Variants in LRRC2 observed in about 807,000 individuals in gnomAD.
LRRC2 encodes the protein leucine-rich repeat-containing protein 2.
Under a neutral mutation model 40.2 loss-of-function variants are expected in LRRC2, and 27 were observed. The ratio of observed to expected loss-of-function variants is 0.67; its 90% CI spans 0.49 to 0.93. The LOEUF (loss-of-function observed/expected upper bound fraction) is 0.93. Ranked by LOEUF, LRRC2 falls within the 40% of genes least tolerant of loss-of-function variation. LRRC2 has a pLI of 0.00. For missense variants in LRRC2, 402 were observed against 439.6 expected, an observed-to-expected ratio of 0.91 and a Z score of 0.76; for synonymous variants, 147 against 158.9, an observed-to-expected ratio of 0.92 and a Z score of 0.56.
intron 7 of LRRC2, among the ~76,000 whole-genome samples, chr3:46,526,804 C>T (rs185181578): frequency 6.6e-6 from 1 of 152,282 alleles, no homozygotes; most frequent in East Asian, 1.9e-4. Context: ...AGAGCAGCCT[C>T]GTGTGAATAA....
intron 3 of LRRC2, among the ~76,000 whole-genome samples, chr3:46,543,380 G>T (rs940673951): frequency 1.3e-5 from 2 of 152,146 alleles, no homozygotes; most frequent in East Asian, 3.9e-4. Flanking sequence ...ACTTTGGGAG[G>T]CCGAGGCGGG....
chr3:46,519,364 C>T (rs1703925376), intron 8 of LRRC2, among the ~76,000 whole-genome samples: 1 of 152,184 alleles, frequency 6.6e-6, no homozygotes, highest in African/African-American at 2.4e-5. Context: ...TATGACCCTA[C>T]AGTATTAATA....
intron 1 of LRRC2, among the ~76,000 whole-genome samples, chr3:46,561,070 A>G (rs534109479): frequency 2.6e-5 from 4 of 152,342 alleles, no homozygotes; most frequent in African/African-American, 9.6e-5. Context: ...AATTGAAGAT[A>G]TATGTAGGCG....
chr3:46,537,463 T>C (rs1181514618), intron 4 of LRRC2, among the ~76,000 whole-genome samples: 1 of 152,200 alleles, frequency 6.6e-6, no homozygotes, highest in African/African-American at 2.4e-5. Flanking sequence ...AAATATACCA[T>C]GAGCTTGCCC....
chr3:46,544,694 AG>A (rs1470382657), intron 3 of LRRC2, among the ~76,000 whole-genome samples: 3 of 152,220 alleles, frequency 2.0e-5, no homozygotes, highest in African/African-American at 7.2e-5. Flanking sequence ...CACTTCGGCA[AG>A]TAAGTAATTG....
chr3:46,524,557 G>T (rs1368023355), intron 7 of LRRC2, among the ~76,000 whole-genome samples: 1 of 152,302 alleles, frequency 6.6e-6, no homozygotes, highest in East Asian at 1.9e-4. Flanking sequence ...GATTTGGTTT[G>T]TTCCACCTTA....
intron 8 of LRRC2, among the ~76,000 whole-genome samples, chr3:46,520,447 A>AT (rs1370310977): frequency 6.6e-6 from 1 of 152,168 alleles, no homozygotes; most frequent in Non-Finnish European, 1.5e-5. Flanking sequence ...TTTACGATAA[A>AT]TTTCTAATTT....
intron 6 of LRRC2, 56 bp downstream of exon 6, chr3:46,529,849 T>G (rs1331000490): frequency 5.8e-6 from 9 of 1,554,212 alleles, no homozygotes; most frequent in African/African-American, 1.4e-5. Flanking sequence ...ATGTTAACAG[T>G]GTTTGAAGCG....
At chr3:46,547,531 T>C (rs9866206) in intron 2 of LRRC2, among the ~76,000 whole-genome samples, 12,168 of 151,582 alleles carry the variant, frequency 0.08, 551 homozygotes, top group South Asian at 0.17. Context: ...TGGCACATGC[T>C]TGTAGTCCCA....
intron 1 of LRRC2, among the ~76,000 whole-genome samples, chr3:46,560,585 T>A (rs1248963317): frequency 1.3e-5 from 2 of 152,184 alleles, no homozygotes; most frequent in Non-Finnish European, 2.9e-5. Flanking sequence ...ACGAAGTAGA[T>A]TCTACAAAGC....
At chr3:46,524,577 A>G (rs1704023325) in intron 7 of LRRC2, among the ~76,000 whole-genome samples, 1 of 152,154 alleles carries the variant, frequency 6.6e-6, no homozygotes, top group Non-Finnish European at 1.5e-5. Context: ...ACTTTCATCA[A>G]TGACTGCTAT....
intron 3 of LRRC2, among the ~76,000 whole-genome samples, chr3:46,542,089 GAC>G (rs1300640782): frequency 1.3e-5 from 2 of 152,038 alleles, no homozygotes; most frequent in Non-Finnish European, 2.9e-5. Context: ...AAGTGTGCCC[GAC>G]ACACACTCAG....
At chr3:46,548,249 A>G (rs1318836262) in intron 2 of LRRC2, among the ~76,000 whole-genome samples, 1 of 152,164 alleles carries the variant, frequency 6.6e-6, no homozygotes, top group African/African-American at 2.4e-5. Context: ...AATTAGATGT[A>G]CCCCATTAAA....
At chr3:46,521,087 T>C (rs1206488625) in intron 8 of LRRC2, among the ~76,000 whole-genome samples, 1 of 152,248 alleles carries the variant, frequency 6.6e-6, no homozygotes. Flanking sequence ...TTGGCCATCC[T>C]GTGCTTTCCC....
At chr3:46,557,528 C>T (rs1704833544) in intron 1 of LRRC2, 2 of 152,358 alleles carry the variant, frequency 1.3e-5, no homozygotes, top group Admixed American at 6.5e-5. Flanking sequence ...TTTCCTAGCT[C>T]TTCCCTATGC....
intron 7 of LRRC2, among the ~76,000 whole-genome samples, chr3:46,526,365 C>A (rs1240539629): frequency 6.6e-6 from 1 of 152,194 alleles, no homozygotes; most frequent in Non-Finnish European, 1.5e-5. Context: ...TGCTATGAGA[C>A]ATGAAGCTGC....
intron 7 of LRRC2, among the ~76,000 whole-genome samples, chr3:46,525,111 G>A (rs1704034574): frequency 8.1e-6 from 1 of 123,852 alleles, no homozygotes; most frequent in Non-Finnish European, 1.6e-5. Context: ...TTTTTAGATA[G>A]AGTCTTGCTC....
chr3:46,542,332 T>TAA (rs11391659), intron 3 of LRRC2, among the ~76,000 whole-genome samples: 4 of 150,840 alleles, frequency 2.7e-5, no homozygotes, highest in African/African-American at 7.3e-5. Context: ...ACTCCATCTT[T>TAA]AAAAAAAAAT....
chr3:46,523,805 GTCCACCCATCTA>G (rs1704008110), intron 7 of LRRC2, among the ~76,000 whole-genome samples: 1 of 150,536 alleles, frequency 6.6e-6, no homozygotes, highest in Non-Finnish European at 1.5e-5. Context: ...CCACCCATCT[GTCCACCCATCTA>G]TCCACCCATC....
Sources: allele counts gnomAD v4.1 joint callset (sites outside exome capture counted in the v4.1 genomes callset), GRCh38; gene constraint gnomAD v4.1.1; transcripts MANE v1.5; gene names NCBI Gene and HGNC (gene_info 2026-07-23, HGNC 2026-07-21).